The following ITGB4 variants were observed in gnomAD, a reference collection of about 807,000 sequenced individuals.
The protein encoded by ITGB4 is integrin subunit beta 4.
A neutral mutation model predicts 207.6 loss-of-function variants in ITGB4; 159 were observed. That is an observed-to-expected ratio of 0.77 (90% CI 0.67 to 0.87). The LOEUF is 0.87. Ranked by LOEUF, ITGB4 falls within the 40% of genes least tolerant of loss-of-function variation. The pLI is 0.00. For synonymous variants in ITGB4, 1,020 were observed against 1,062.7 expected (o/e 0.96, Z 0.78); for missense variants, 2,278 against 2,546.8 (o/e 0.89, Z 2.27).
chr17:75,735,412 C>CTTTTTTTTTTTTTT (rs71361693), intron 13 of ITGB4, among the ~76,000 whole-genome samples: 16 of 102,846 alleles, frequency 1.6e-4, no homozygotes, highest in African/African-American at 3.1e-4. Context: ...TTTTTCTTTT[C>CTTTTTTTTTTTTTT]TTTTTTTTTT....
At position 75,736,273 on chromosome 17, in the gene ITGB4, C is replaced by T. The variant is rs374138857; in HGVS notation, c.1762-15C>T. The T allele has an allele frequency of 4.3e-6, 7 of 1,612,208 alleles. No homozygotes were observed. In the African/African-American group the frequency reaches 5.3e-5, roughly 12 times the overall value. ...TGGGGCACAGCTGGCTCACTGGTGCCCCCTCCTACCCCAGGGCATCTGTAA... is the reference window on the plus strand; with the variant it reads ...TGGGGCACAGCTGGCTCACTGGTGCTCCCTCCTACCCCAGGGCATCTGTAA... On this transcript the variant is annotated splice_polypyrimidine_tract_variant and intron_variant, in intron 14 of 39. Coordinates refer to ENST00000200181, the MANE Select transcript of ITGB4 (RefSeq NM_000213.5).
intron 26 of ITGB4, among the ~76,000 whole-genome samples, chr17:75,748,230 G>A (rs2061278818): frequency 6.7e-6 from 1 of 150,332 alleles, no homozygotes; most frequent in Admixed American, 6.7e-5. Context: ...GCCAGGTGTG[G>A]TGCACGCCTG....
At position 75,737,521 on chromosome 17, in the gene ITGB4, T is replaced by A. The variant is rs772419450; in HGVS notation, c.2114-17T>A. ...GGGGAGGACAGGCACCACCTCCCCC[T>A]GCCTCCTCCTCTCCAGACTGCCCTC... On this transcript the variant is annotated splice_polypyrimidine_tract_variant and intron_variant, in intron 17 of 39. Transcript: ENST00000200181. The A allele has an allele frequency of 6.4e-7, 1 of 1,560,316 alleles. No homozygotes were observed. The highest frequency in any genetic ancestry group is 8.7e-7 in the Non-Finnish European group (1 of 1,152,592).
At position 75,749,121 on chromosome 17, in the gene ITGB4, C is replaced by G. The variant is rs1168339650; in HGVS notation, c.3316+76C>G. ...GGGTCTCTCAACTAGGTCTGTCAGA[C>G]TTAGCAAATCCAAACACAGGACGCC... On this transcript the variant is annotated intron_variant, in intron 27 of 39. Transcript: ENST00000200181. 3 of 1,223,742 alleles carry G rather than the reference C, an allele frequency of 2.5e-6. No individual in the cohort carries two copies. The African/African-American group carries it at 4.4e-5, about 18-fold the overall frequency. 75.8% of individuals were successfully genotyped at this position (1,223,742 alleles called of 1,614,324 possible).
intron 12 of ITGB4, among the ~76,000 whole-genome samples, chr17:75,733,090 AAAAAT>A (rs1264103165): frequency 1.5e-4 from 23 of 148,826 alleles, no homozygotes; most frequent in Non-Finnish European, 3.0e-5. Flanking sequence ...TGTCTTGAAA[AAAAAT>A]AAAATAAAAT....
At position 75,740,882 on chromosome 17, in the gene ITGB4, G is replaced by A. The variant is rs371809595; in HGVS notation, c.2609+31G>A. The A allele has an allele frequency of 1.2e-5, 19 of 1,613,402 alleles. No individual in the cohort carries two copies. Among genetic ancestry groups the A allele is most frequent in the Non-Finnish European group, 1.4e-5 (17 of 1,179,916 alleles). ...TCCCGGGGTGCCCGGGTTGGGTGGG[G>A]GAGCCGCTCCTACCGGGACTCCAGG... On this transcript the variant is annotated intron_variant, in intron 22 of 39. Coordinates refer to ENST00000200181, the MANE Select transcript of ITGB4 (RefSeq NM_000213.5). The surrounding 1 kb of genome is among the most constrained non-coding windows in gnomAD (Gnocchi z 5.9).
rs1208514139 is a variant in ITGB4, at chr17:75,740,701, T to C, written c.2551-92T>C. The C allele has an allele frequency of 2.1e-6, 3 of 1,413,970 alleles. No individual in the cohort carries two copies. The Admixed American group carries it at 5.1e-5, about 24-fold the overall frequency. 87.6% of individuals were successfully genotyped at this position (1,413,970 alleles called of 1,614,324 possible). ...CCAGCCAACCCTGAGGATCTCTGGG[T>C]ACAGAGGCTGCCTGGCTCCCTGGGT... On this transcript the variant is annotated intron_variant, in intron 21 of 39. Transcript: ENST00000200181. This position sits in a 1 kb window ranked among gnomAD's most constrained non-coding sequence, Gnocchi z 5.9.
intron 27 of ITGB4, among the ~76,000 whole-genome samples, chr17:75,749,466 C>A (rs897715066): frequency 6.6e-6 from 1 of 152,088 alleles, no homozygotes; most frequent in Non-Finnish European, 1.5e-5. Context: ...GGGTCTGGGC[C>A]GCAGCAAGCT....
intron 15 of ITGB4, 60 bp from the exon 16 acceptor site, chr17:75,736,505 G>C: frequency 1.9e-6 from 3 of 1,596,366 alleles, no homozygotes; most frequent in Non-Finnish European, 2.6e-6. Context: ...TTTGGGGAGC[G>C]GGGGTCTGGC....
chr17:75,757,125 C>A lies in ITGB4; in HGVS notation c.5218+18C>A. ...GGATGGAGGTAGGCACCTGTCCTTTCCTTCACCCCCACCCCTCCTCGGGCC... is the reference window on the plus strand; with the variant it reads ...GGATGGAGGTAGGCACCTGTCCTTTACTTCACCCCCACCCCTCCTCGGGCC... On this transcript the variant is annotated intron_variant, in intron 38 of 39. Coordinates refer to ENST00000200181, the MANE Select transcript of ITGB4 (RefSeq NM_000213.5). 1 of 1,612,914 alleles carries A rather than the reference C, an allele frequency of 6.2e-7. No homozygotes were observed.
At chr17:75,735,624 G>C (rs1178906184) in intron 13 of ITGB4, among the ~76,000 whole-genome samples, 1 of 150,932 alleles carries the variant, frequency 6.6e-6, no homozygotes, top group African/African-American at 2.4e-5. Flanking sequence ...TGTTGGCCAG[G>C]ATGGTCTCAG....
In ITGB4 at chr17:75,731,762, C is replaced by A. The variant is rs775508088; in HGVS notation, c.1216-50C>A. ...GAGGGCCTTCAGGCATCGATGGCCC[C>A]CTGGTCCTTGGGGCTGGGCCTGCCT... On this transcript the variant is annotated intron_variant, in intron 10 of 39. Coordinates refer to ENST00000200181, the MANE Select transcript of ITGB4 (RefSeq NM_000213.5). The surrounding 1 kb of genome is among the most constrained non-coding windows in gnomAD (Gnocchi z 6.8). 2.6e-6 allele frequency: 4 copies of A among 1,530,288 alleles called. 1 individual carries two copies. In the South Asian group the frequency reaches 4.9e-5, roughly 19 times the overall value. 94.8% of individuals were successfully genotyped at this position (1,530,288 alleles called of 1,614,324 possible). A position where few individuals can be genotyped will look rare whatever the true frequency, so the allele number is the denominator to read the frequency against.
Position 75,727,745 on chromosome 17 carries a change from T to C in ITGB4, c.359T>C (p.Leu120Pro), listed in dbSNP as rs768196342. The C allele has an allele frequency of 6.2e-7, 1 of 1,614,036 alleles. No individual in the cohort carries two copies. Among genetic ancestry groups the C allele is most frequent in the South Asian group, 1.1e-5 (1 of 91,052 alleles). The change falls in exon 5 of 40, where the codon CTG becomes CCG. Residue 120 changes from leucine (L) to proline (P), a missense_variant. Leu to Pro is a moderately conservative substitution (Grantham distance 98, BLOSUM62 -3). Transcript: ENST00000200181. This position sits in a 1 kb window ranked among gnomAD's most constrained non-coding sequence, Gnocchi z 6.0. ...LRPGEERHFE[L>P]EVFEPLESPV... ...CCCGGTGAGGAGCGGCATTTTGAGC[T>C]GGAGGTGTTTGAGCCACTGGAGAGC...
chr17:75,743,621 T>C, intron 25 of ITGB4, 92 bp from the exon 26 acceptor site: 1 of 1,573,580 alleles, frequency 6.4e-7, no homozygotes, highest in African/African-American at 1.3e-5. Context: ...GACTCCTGGA[T>C]TCTGGGCTGG....
chr17:75,752,269 A>C lies in ITGB4; in HGVS notation c.3889A>C (p.Thr1297Pro). The C allele has an allele frequency of 6.2e-7, 1 of 1,613,470 alleles. No homozygotes were observed. Among genetic ancestry groups the C allele is most frequent in the Non-Finnish European group, 8.5e-7 (1 of 1,180,016 alleles). The stretch of plus-strand genomic sequence containing the variant: ...TCGGGAGTCCCAGCCCTACCGCTAC[A>C]CGGTGAAGGCGCGCAACGGGGCCGG... The part of the protein sequence containing the change: ...NLRESQPYRY[T>P]VKARNGAGWG... The change falls in exon 31 of 40, where the codon ACG (threonine) becomes CCG (proline). Residue 1297 changes from threonine (T) to proline (P), a missense_variant. Thr to Pro is a conservative substitution (Grantham distance 38). Transcript: ENST00000200181.
intron 23 of ITGB4, among the ~76,000 whole-genome samples, chr17:75,741,826 G>C (rs2061117661): frequency 6.6e-6 from 1 of 151,906 alleles, no homozygotes. Flanking sequence ...AAAAAGAATG[G>C]CTGACCAGCA....
At position 75,753,914 on chromosome 17, in the gene ITGB4, G is replaced by A; in HGVS notation, c.4258G>A (p.Gly1420Ser). 2.3e-6 allele frequency: 3 copies of A among 1,287,012 alleles called. No homozygotes were observed. The highest frequency in any genetic ancestry group is 2.6e-5 in the South Asian group (1 of 37,736). 79.7% of individuals were successfully genotyped at this position (1,287,012 alleles called of 1,614,324 possible). ...AEAPHGPPDDGGAGGKGGSLP... is the reference protein window; with the variant it reads ...AEAPHGPPDDSGAGGKGGSLP... ...GGCGCCCCACGGGCCCCCGGACGAC[G>A]GCGGCGCGGGCGGGAAGGGCGGCAG... is the stretch of plus-strand genomic sequence containing the variant. Residue 1420 changes from glycine to serine, a missense_variant, in exon 33 of 40, where the codon GGC (glycine) becomes AGC (serine). Coordinates refer to ENST00000200181, the MANE Select transcript of ITGB4 (RefSeq NM_000213.5).
In ITGB4 at chr17:75,743,861, G is replaced by A. The variant is rs1339696086; in HGVS notation, c.3111G>A (p.Arg1037=). The part of the protein sequence containing the change: ...RTQDGTAQGN[R]DYIPVEGELL... ...AGGATGGCACCGCGCAGGGCAACCG[G>A]GTGAGGCTGCGCCACAGGGTCGAGG... The change falls in exon 26 of 40, where the codon CGG becomes CGA. Residue 1037 remains arginine (R), a splice_region_variant and synonymous_variant. Transcript: ENST00000200181. 6.3e-7 allele frequency: 1 copy of A among 1,580,770 alleles called. No individual in the cohort carries two copies. Among genetic ancestry groups the A allele is most frequent in the Non-Finnish European group, 8.6e-7 (1 of 1,164,194 alleles).
intron 23 of ITGB4, 28 bp downstream of exon 23, chr17:75,741,033 GC>G: frequency 1.2e-6 from 2 of 1,602,564 alleles, no homozygotes. Context: ...GGGTGAGAGG[GC>G]CCCCACTTCC....
Sources: gnomAD v4.1 joint callset for allele counts (sites outside exome capture counted in the v4.1 genomes callset) on GRCh38, gnomAD v4.1.1 for gene constraint, Gnocchi (gnomAD v3.1) non-coding constraint, MANE v1.5 for transcripts, NCBI Gene and HGNC (gene_info 2026-07-23, HGNC 2026-07-21) for gene names.